The following TMEM87B variants were observed in gnomAD, a reference collection of about 807,000 sequenced individuals.
TMEM87B encodes the protein transmembrane protein 87B.
Under a neutral mutation model 80.3 loss-of-function variants are expected in TMEM87B, and 83 were observed. That is an observed-to-expected ratio of 1.03 (90% CI 0.87 to 1.24). The LOEUF (loss-of-function observed/expected upper bound fraction) is 1.24, where lower values mean the gene tolerates loss of function less well. Ranked by LOEUF, TMEM87B falls within the 50% of genes most tolerant of loss-of-function variation. The probability of loss-of-function intolerance (pLI) is 0.00; values close to 1 mark genes in which losing one functional copy is unlikely to be tolerated. For missense variants in TMEM87B, 625 were observed against 674.4 expected (o/e 0.93, Z 0.81); for synonymous variants, 219 against 230.5 (o/e 0.95, Z 0.45).
At chr2:112,056,049 C>T (rs1002700394) in intron 1 of TMEM87B, among the ~76,000 whole-genome samples, 2 of 152,164 alleles carry the variant, frequency 1.3e-5, no homozygotes, top group African/African-American at 4.8e-5. Context: ...GGCCCTCATT[C>T]TGCTCTGACA....
intron 6 of TMEM87B, among the ~76,000 whole-genome samples, chr2:112,080,240 CT>C (rs1173035824): frequency 4.2e-5 from 6 of 142,124 alleles, no homozygotes; most frequent in Admixed American, 7.1e-5. Flanking sequence ...CTTGCCCATT[CT>C]TTTTTTTTTA....
At chr2:112,093,847 A>G (rs541659817) in intron 11 of TMEM87B, among the ~76,000 whole-genome samples, 1 of 152,306 alleles carries the variant, frequency 6.6e-6, no homozygotes, top group East Asian at 1.9e-4. Context: ...TCCTGCCTTG[A>G]GAATGGGCAG....
chr2:112,080,382 C>T (rs1428089449), intron 6 of TMEM87B, among the ~76,000 whole-genome samples: 1 of 152,150 alleles, frequency 6.6e-6, no homozygotes, highest in Non-Finnish European at 1.5e-5. Context: ...GCCTCGGCCT[C>T]CCGAGTAGCT....
intron 6 of TMEM87B, among the ~76,000 whole-genome samples, chr2:112,078,009 G>GGT (rs1452319546): frequency 6.6e-6 from 1 of 152,172 alleles, no homozygotes; most frequent in East Asian, 1.9e-4. Flanking sequence ...AAACCAATGA[G>GGT]GTGAGGTAGG....
In TMEM87B at chr2:112,055,439, C is replaced by T; in HGVS notation, c.-153C>T. On this transcript the variant is annotated 5_prime_UTR_variant, in exon 1 of 19. Coordinates refer to ENST00000283206, the MANE Select transcript of TMEM87B (RefSeq NM_032824.3). ...GGCCGGGTTTCCCAGAACTGCACGG[C>T]GCCTCTCCGCCCAGGCCCAAGCGCG... 1.2e-6 allele frequency: 1 copy of T among 866,798 alleles called. No individual in the cohort carries two copies. The highest frequency in any genetic ancestry group is 2.0e-5 in the South Asian group (1 of 49,156). The allele number at this position is 866,798 out of a possible 1,614,324, so 53.7% of individuals were successfully genotyped here.
intron 2 of TMEM87B, among the ~76,000 whole-genome samples, chr2:112,061,027 C>A: frequency 6.6e-6 from 1 of 152,010 alleles, no homozygotes; most frequent in East Asian, 1.9e-4. Flanking sequence ...GTGATAAACC[C>A]TTTATGGCCT....
At chr2:112,068,942 C>T (rs1388185774) in intron 4 of TMEM87B, among the ~76,000 whole-genome samples, 1 of 151,928 alleles carries the variant, frequency 6.6e-6, no homozygotes, top group Admixed American at 6.6e-5. Flanking sequence ...CCTGTAATCC[C>T]AGCACTTTGG....
chr2:112,085,735 G>A (rs762085120), intron 8 of TMEM87B, among the ~76,000 whole-genome samples: 1 of 152,230 alleles, frequency 6.6e-6, no homozygotes, highest in East Asian at 1.9e-4. Flanking sequence ...CAAGAACAGA[G>A]GGAAGCTCAG....
In TMEM87B at chr2:112,060,038, G is replaced by GT; in HGVS notation, c.226+2dup. ...AACTCTACAGATATCAAGTTATCTGGTAAGTATAATAAAACAATAAAATAC... is the reference window on the plus strand; with the variant it reads ...AACTCTACAGATATCAAGTTATCTGGTTAAGTATAATAAAACAATAAAATAC... On this transcript the variant is annotated splice_donor_variant, in intron 2 of 18. Coordinates refer to ENST00000283206, the MANE Select transcript of TMEM87B (RefSeq NM_032824.3). LOFTEE classifies it high-confidence loss of function. The GT allele has an allele frequency of 6.3e-7, 1 of 1,578,238 alleles. No homozygotes were observed.
chr2:112,098,028 C>T (rs898781982), intron 13 of TMEM87B, among the ~76,000 whole-genome samples: 14 of 151,512 alleles, frequency 9.2e-5, no homozygotes, highest in Admixed American at 2.0e-4. Context: ...CAGTCTGGAG[C>T]GCAGTGGTGC....
At chr2:112,104,119 T>C (rs1251695805) in intron 15 of TMEM87B, among the ~76,000 whole-genome samples, 1 of 152,206 alleles carries the variant, frequency 6.6e-6, no homozygotes, top group Non-Finnish European at 1.5e-5. Context: ...ATGGAAAAGC[T>C]TCAACTGTTA....
intron 1 of TMEM87B, among the ~76,000 whole-genome samples, chr2:112,056,239 G>A (rs199757549): frequency 1.3e-5 from 2 of 151,484 alleles, no homozygotes; most frequent in Non-Finnish European, 3.0e-5. Context: ...AAAAAAAAAA[G>A]AAAGAAAAAA....
intron 8 of TMEM87B, among the ~76,000 whole-genome samples, chr2:112,083,452 A>T (rs763422336): frequency 1.2e-4 from 18 of 152,272 alleles, no homozygotes; most frequent in Admixed American, 2.6e-4. Flanking sequence ...TCAAGTGCTC[A>T]GTAGCCACAG....
At chr2:112,097,712 CAAAAAAAAAA>C (rs68175814) in intron 13 of TMEM87B, among the ~76,000 whole-genome samples, 5 of 57,244 alleles carry the variant, frequency 8.7e-5, no homozygotes, top group African/African-American at 2.7e-4. Flanking sequence ...GACTCCATCT[CAAAAAAAAAA>C]AAAAAAAAAA....
At position 112,081,362 on chromosome 2, in the gene TMEM87B, A is replaced by G. The variant is rs779153449; in HGVS notation, c.682A>G (p.Ile228Val). 1.0e-4 allele frequency: 162 copies of G among 1,610,388 alleles called. No homozygotes were observed. Among genetic ancestry groups the G allele is most frequent in the Non-Finnish European group, 1.4e-4 (160 of 1,179,056 alleles). ...IFYMVMCIVY[I>V]LYGILWLTWS... ...TTACATGGTGATGTGTATTGTTTATATATTATATGGCATACTCTGGCTGAC... is the reference window on the plus strand; with the variant it reads ...TTACATGGTGATGTGTATTGTTTATGTATTATATGGCATACTCTGGCTGAC... Residue 228 changes from isoleucine to valine, a missense_variant, in exon 8 of 19, where the codon ATA (isoleucine) becomes GTA (valine). Ile to Val is a conservative substitution (Grantham distance 29). Transcript: ENST00000283206.
intron 2 of TMEM87B, among the ~76,000 whole-genome samples, chr2:112,060,815 G>T (rs760965407): frequency 1.3e-5 from 2 of 152,016 alleles, no homozygotes; most frequent in Non-Finnish European, 2.9e-5. Flanking sequence ...GGGATTACAG[G>T]CATGAGCCAC....
intron 1 of TMEM87B, among the ~76,000 whole-genome samples, chr2:112,058,708 A>G (rs1171396871): frequency 1.3e-5 from 2 of 152,224 alleles, no homozygotes. Flanking sequence ...AAGATGAATT[A>G]TAGGATCAGA....
intron 14 of TMEM87B, 120 bp downstream of exon 14, chr2:112,098,818 T>C: frequency 1.1e-6 from 1 of 873,006 alleles, no homozygotes; most frequent in Non-Finnish European, 1.8e-6. Context: ...TACAGTCAAG[T>C]AGGGAGATAA....
intron 8 of TMEM87B, among the ~76,000 whole-genome samples, chr2:112,083,675 C>T (rs1381561947): frequency 1.3e-5 from 2 of 152,116 alleles, no homozygotes; most frequent in Non-Finnish European, 2.9e-5. Flanking sequence ...CAGGTGATTC[C>T]AATATGCATC....
Sources: allele counts gnomAD v4.1 joint callset (sites outside exome capture counted in the v4.1 genomes callset), GRCh38; gene constraint gnomAD v4.1.1; transcripts MANE v1.5; gene names NCBI Gene and HGNC (gene_info 2026-07-23, HGNC 2026-07-21).